The following CES5A variants were observed in gnomAD, a reference collection of about 807,000 sequenced individuals.
The protein encoded by CES5A is carboxylesterase 5A.
Under a neutral mutation model 62.9 loss-of-function variants are expected in CES5A, and 67 were observed. That is an observed-to-expected ratio of 1.07 (90% CI 0.88 to 1.31). The LOEUF (loss-of-function observed/expected upper bound fraction) is 1.31. Among genes scored for constraint, CES5A ranks in the 50% most tolerant of loss-of-function variants. The probability of loss-of-function intolerance (pLI) is 0.00; values close to 1 mark genes in which losing one functional copy is unlikely to be tolerated. For missense variants in CES5A, 748 were observed against 708.5 expected (o/e 1.06, Z -0.63); for synonymous variants, 296 against 280.8 (o/e 1.05, Z -0.54).
At chr16:55,849,013 G>A (rs1282921637) in intron 11 of CES5A, among the ~76,000 whole-genome samples, 4 of 152,214 alleles carry the variant, frequency 2.6e-5, no homozygotes, top group African/African-American at 9.7e-5. Flanking sequence ...AATAAGTTAA[G>A]AGCCTGCATT....
chr16:55,873,830 T>C lies in CES5A; in HGVS notation c.278+3A>G, dbSNP rs1212378227. ...CCACCCGTGGGCCCGAACCTGGTCT[T>C]ACAAATTAGGGTAGGAGGTGGCTTC... On this transcript the variant is annotated splice_donor_region_variant and intron_variant, in intron 2 of 12. Coordinates refer to ENST00000290567, the MANE Select transcript of CES5A (RefSeq NM_001143685.2). The C allele has an allele frequency of 3.1e-6, 5 of 1,610,726 alleles. No individual in the cohort carries two copies. In the Admixed American group the frequency reaches 6.7e-5, roughly 21 times the overall value.
intron 1 of CES5A, among the ~76,000 whole-genome samples, chr16:55,883,621 A>T (rs1472881726): frequency 6.6e-6 from 1 of 152,164 alleles, no homozygotes; most frequent in African/African-American, 2.4e-5. Context: ...TCTCTGCTAT[A>T]TCCCTCTCTG....
chr16:55,932,938 AT>A (rs1236987700), intron 2 of CES5A, among the ~76,000 whole-genome samples: 2 of 152,364 alleles, frequency 1.3e-5, no homozygotes, highest in South Asian at 4.1e-4. Flanking sequence ...AAATTTGGCA[AT>A]GATGATGGAA....
chr16:55,930,951 A>C (rs1299341720), intron 2 of CES5A, among the ~76,000 whole-genome samples: 2 of 152,216 alleles, frequency 1.3e-5, no homozygotes, highest in African/African-American at 4.8e-5. Context: ...TCCTACTTCA[A>C]GATCATGGTG....
At chr16:55,903,928 A>T (rs1442823443) in intron 1 of CES5A, among the ~76,000 whole-genome samples, 1 of 152,238 alleles carries the variant, frequency 6.6e-6, no homozygotes, top group Non-Finnish European at 1.5e-5. Flanking sequence ...AGATGGGGAA[A>T]ACGTTGCAAG....
At position 55,945,337 on chromosome 16, in the gene CES5A, G is replaced by C. The variant is rs538651492; in HGVS notation, c.160+4448C>G. 2.0e-5 allele frequency among the ~76,000 whole-genome samples: 3 copies of C among 152,336 alleles called. No individual in the cohort carries two copies. In the South Asian group the frequency reaches 6.2e-4, roughly 32 times the overall value. Reference sequence around the variant, plus strand: ...TAAGCAATTTGCACAAGGTTGTTCAGTGAATCAGAAGCAAAGTTAGAATTT... The same window carrying C: ...TAAGCAATTTGCACAAGGTTGTTCACTGAATCAGAAGCAAAGTTAGAATTT... On this transcript the variant is annotated intron_variant, in intron 2 of 13. Transcript: ENST00000521992.
intron 10 of CES5A, among the ~76,000 whole-genome samples, chr16:55,852,132 T>C (rs2033145239): frequency 1.3e-5 from 2 of 152,226 alleles, no homozygotes; most frequent in South Asian, 4.1e-4. Context: ...ATAGCGGTGA[T>C]GGTTGTACAA....
At chr16:55,935,094 C>T (rs1382925113) in intron 2 of CES5A, among the ~76,000 whole-genome samples, 1 of 152,138 alleles carries the variant, frequency 6.6e-6, no homozygotes, top group African/African-American at 2.4e-5. Flanking sequence ...AGGTGTGCAC[C>T]ACCACGCTTG....
At chr16:55,909,424 G>A (rs1251755436) in intron 1 of CES5A, among the ~76,000 whole-genome samples, 3 of 152,186 alleles carry the variant, frequency 2.0e-5, no homozygotes, top group African/African-American at 7.2e-5. Context: ...AAGCAAAGCA[G>A]GAATGACTGC....
intron 2 of CES5A, among the ~76,000 whole-genome samples, chr16:55,939,657 A>G (rs75365147): frequency 0.026 from 3,887 of 152,248 alleles, 60 homozygotes; most frequent in Non-Finnish European, 0.029. Flanking sequence ...GAAAAACACC[A>G]TCAACAAATA....
intron 1 of CES5A, among the ~76,000 whole-genome samples, chr16:55,903,140 A>G (rs1167382049): frequency 6.6e-6 from 1 of 151,078 alleles, no homozygotes; most frequent in African/African-American, 2.4e-5. Flanking sequence ...AAAAAAAAAA[A>G]GACACAGCTC....
intron 1 of CES5A, among the ~76,000 whole-genome samples, chr16:55,952,278 C>T (rs2034565284): frequency 6.6e-6 from 1 of 151,982 alleles, no homozygotes; most frequent in African/African-American, 2.4e-5. Flanking sequence ...ATACCTAATT[C>T]ATGAAAATTT....
chr16:55,918,177 T>TCGCTGAC (rs1343684800), intron 1 of CES5A, among the ~76,000 whole-genome samples: 8 of 152,312 alleles, frequency 5.3e-5, no homozygotes, highest in African/African-American at 1.9e-4. Flanking sequence ...ATGGTAGGTC[T>TCGCTGAC]CGCTGACCAA....
intron 2 of CES5A, chr16:55,944,410 A>G (rs748780144): frequency 7.4e-5 from 24 of 324,888 alleles, no homozygotes; most frequent in Non-Finnish European, 1.3e-4. Flanking sequence ...GGCATCTTCT[A>G]GTCCCTGCAG....
At chr16:55,911,443 G>C (rs556789492) in intron 1 of CES5A, among the ~76,000 whole-genome samples, 2 of 152,288 alleles carry the variant, frequency 1.3e-5, no homozygotes, top group African/African-American at 4.8e-5. Flanking sequence ...TACAGAACTT[G>C]AATAATACTC....
rs200307820 is a variant in CES5A at position 55,858,040 on chromosome 16, CA to C, written c.1056+1506del. 3.5e-4 allele frequency among the ~76,000 whole-genome samples: 53 copies of C among 151,192 alleles called. 1 individual carries two copies. The highest frequency in any genetic ancestry group is 5.9e-4 in the Non-Finnish European group (40 of 67,720). On this transcript the variant is annotated intron_variant, in intron 8 of 12. Transcript: ENST00000290567. ...TGAAACACTGTCTCCACTAAAAATA[CA>C]AAAAAAAATTAGCTGGGCATGGTGG... is the stretch of plus-strand genomic sequence containing the variant.
intron 11 of CES5A, among the ~76,000 whole-genome samples, chr16:55,848,799 G>T (rs1431718335): frequency 6.6e-6 from 1 of 152,124 alleles, no homozygotes; most frequent in East Asian, 1.9e-4. Context: ...GCTCAGGAAT[G>T]GTTGCTGAGA....
chr16:55,941,839 C>T (rs1285669589), intron 2 of CES5A, among the ~76,000 whole-genome samples: 2 of 152,096 alleles, frequency 1.3e-5, no homozygotes, highest in African/African-American at 4.8e-5. Flanking sequence ...GCAGTGGCTG[C>T]ACAAACCTAT....
chr16:55,877,989 T>G (rs184744445), upstream of CES5A, among the ~76,000 whole-genome samples: 2 of 152,216 alleles, frequency 1.3e-5, no homozygotes, highest in East Asian at 3.9e-4. Flanking sequence ...TTACTCAATC[T>G]TCTAGAAAGC....
Sources: allele counts gnomAD v4.1 joint callset (sites outside exome capture counted in the v4.1 genomes callset), GRCh38; gene constraint gnomAD v4.1.1; transcripts MANE v1.5; gene names NCBI Gene and HGNC (gene_info 2026-07-23, HGNC 2026-07-21).